The following MAP3K7CL variants were observed in gnomAD, a reference collection of about 807,000 sequenced individuals.
MAP3K7CL encodes the protein MAP3K7 C-terminal-like protein.
Under a neutral mutation model 18.6 loss-of-function variants are expected in MAP3K7CL, and 16 were observed. The observed-to-expected ratio is 0.86, with a 90% confidence interval of 0.58 to 1.31. MAP3K7CL has a LOEUF of 1.31. Among genes scored for constraint, MAP3K7CL ranks in the 50% most tolerant of loss-of-function variants. The pLI is 0.00. For missense variants in MAP3K7CL, 163 were observed against 174.4 expected, an observed-to-expected ratio of 0.93 and a Z score of 0.37; for synonymous variants, 65 against 66.8, an observed-to-expected ratio of 0.97 and a Z score of 0.13.
upstream of MAP3K7CL, among the ~76,000 whole-genome samples, chr21:29,085,407 T>C (rs2085906440): frequency 6.6e-6 from 1 of 152,124 alleles, no homozygotes; most frequent in African/African-American, 2.4e-5. Context: ...TCCCTGCACC[T>C]TATTTAAGTG....
intron 4 of MAP3K7CL, among the ~76,000 whole-genome samples, chr21:29,161,727 C>A (rs554209562): frequency 6.6e-6 from 1 of 151,840 alleles, no homozygotes; most frequent in East Asian, 2.0e-4. Flanking sequence ...TTAATTTTTA[C>A]AAAAAGCGAA....
At chr21:29,080,708 G>A (rs908495201) in intron 1 of MAP3K7CL, 1 of 152,010 alleles carries the variant, frequency 6.6e-6, no homozygotes, top group Non-Finnish European at 1.5e-5. Context: ...TAGCCCCCAA[G>A]GTGAGTCATT....
intron 4 of MAP3K7CL, among the ~76,000 whole-genome samples, chr21:29,095,114 G>C (rs953386984): frequency 1.4e-5 from 2 of 147,382 alleles, no homozygotes; most frequent in Non-Finnish European, 3.0e-5. Context: ...GGGAGGGGAG[G>C]GGAAGGGAAG....
chr21:29,133,467 C>A, intron 2 of MAP3K7CL, 53 bp downstream of exon 2: 1 of 1,367,612 alleles, frequency 7.3e-7, no homozygotes, highest in South Asian at 1.4e-5. Flanking sequence ...ACCTTTCTAG[C>A]ATCTTTTCTA....
chr21:29,113,827 G>A (rs1302396036), intron 4 of MAP3K7CL, among the ~76,000 whole-genome samples: 2 of 152,024 alleles, frequency 1.3e-5, no homozygotes, highest in African/African-American at 4.8e-5. Context: ...CACCACGCCC[G>A]GCCATATAAT....
At chr21:29,151,393 G>T (rs1018719201) in intron 3 of MAP3K7CL, among the ~76,000 whole-genome samples, 5 of 151,964 alleles carry the variant, frequency 3.3e-5, no homozygotes, top group African/African-American at 1.2e-4. Context: ...GGAGGCGGAG[G>T]TTGCAGTGAG....
At chr21:29,092,267 G>A (rs2086041415) in intron 3 of MAP3K7CL, 2 of 676,054 alleles carry the variant, frequency 3.0e-6, no homozygotes, top group Admixed American at 5.7e-5. Flanking sequence ...CAAGCCCAGT[G>A]CTCTTTCCCC....
At chr21:29,171,013 A>G (rs1167934328) in intron 4 of MAP3K7CL, among the ~76,000 whole-genome samples, 1 of 151,136 alleles carries the variant, frequency 6.6e-6, no homozygotes, top group Non-Finnish European at 1.5e-5. Context: ...GAATTTTACT[A>G]ATTAATATTT....
At chr21:29,104,852 A>C (rs1304246537) in intron 4 of MAP3K7CL, among the ~76,000 whole-genome samples, 1 of 152,162 alleles carries the variant, frequency 6.6e-6, no homozygotes, top group Admixed American at 6.5e-5. Context: ...TCCTTCCTGC[A>C]GTCTTTTCAT....
At position 29,092,575 on chromosome 21, in the gene MAP3K7CL, C is replaced by A. The variant is rs778813607; in HGVS notation, c.364C>A (p.Pro122Thr). The A allele has an allele frequency of 3.1e-6, 5 of 1,614,004 alleles. No homozygotes were observed. The South Asian group carries it at 3.3e-5, about 11-fold the overall frequency. ...TGTGCCCGTGGAAATCCCCAGCTCCCCTCTGGGTGAGTATTCCGTCCACTT... is the reference window on the plus strand; with the variant it reads ...TGTGCCCGTGGAAATCCCCAGCTCCACTCTGGGTGAGTATTCCGTCCACTT... Residue 122 changes from proline to threonine, a missense_variant, in exon 4 of 7, where the codon CCT becomes ACT. Physicochemically the swap from Pro to Thr is conservative, Grantham distance 38 (BLOSUM62 -1). Coordinates refer to the MAP3K7CL transcript ENST00000286791.
At chr21:29,128,142 A>G (rs1417983357), upstream of MAP3K7CL, 1 of 152,226 alleles carries the variant, frequency 6.6e-6, no homozygotes, top group Non-Finnish European at 1.5e-5. Context: ...ATTGGCACAC[A>G]TAAGATGCAA....
At chr21:29,139,456 TCAGGATCCGAAGTAATC>T (rs906846416) in intron 2 of MAP3K7CL, 2 of 152,236 alleles carry the variant, frequency 1.3e-5, no homozygotes, top group Non-Finnish European at 2.9e-5. Flanking sequence ...CTTGTCCTCC[TCAGGATCCGAAGTAATC>T]TTCGGATCTA....
chr21:29,138,971 G>T (rs2086943664), intron 2 of MAP3K7CL, among the ~76,000 whole-genome samples: 3 of 152,242 alleles, frequency 2.0e-5, no homozygotes, highest in Admixed American at 6.5e-5. Context: ...TCTCAAAAAA[G>T]AAATTCTTTC....
intron 1 of MAP3K7CL, chr21:29,086,065 GGGA>G: frequency 1.2e-6 from 1 of 853,020 alleles, no homozygotes; most frequent in South Asian, 1.6e-5. Flanking sequence ...GGCAATCTGT[GGGA>G]GGTCGGCAGA....
At chr21:29,129,968 T>C (rs928458071), upstream of MAP3K7CL, among the ~76,000 whole-genome samples, 3 of 152,250 alleles carry the variant, frequency 2.0e-5, no homozygotes, top group Non-Finnish European at 4.4e-5. Context: ...GTGAGATATC[T>C]TTCAGATCTT....
chr21:29,151,325 C>A (rs1001030356), intron 3 of MAP3K7CL, among the ~76,000 whole-genome samples: 5 of 151,754 alleles, frequency 3.3e-5, no homozygotes, highest in Non-Finnish European at 7.4e-5. Context: ...GGTGTGGTGG[C>A]ACACACCTAT....
In MAP3K7CL at chr21:29,174,642, A is replaced by G. The variant is rs2087922060; in HGVS notation, c.249-70A>G. 92 of 1,538,930 alleles carry G rather than the reference A, an allele frequency of 6.0e-5. No individual in the cohort carries two copies. In the South Asian group the frequency reaches 7.0e-4, roughly 12 times the overall value. Reference sequence around the variant, plus strand: ...TGAATCATTCTACTTCCATCATGCTATTACTGAATAATTTAATTTGCTTGC... The same window carrying G: ...TGAATCATTCTACTTCCATCATGCTGTTACTGAATAATTTAATTTGCTTGC... On this transcript the variant is annotated intron_variant, in intron 4 of 4. Transcript: ENST00000399928.
chr21:29,086,361 C>T (rs745482087), intron 1 of MAP3K7CL, among the ~76,000 whole-genome samples: 61 of 152,058 alleles, frequency 4.0e-4, no homozygotes, highest in South Asian at 8.3e-4. Context: ...ATGAACTTCT[C>T]GAGGTTCATG....
chr21:29,141,445 A>C (rs2087005303), intron 2 of MAP3K7CL, among the ~76,000 whole-genome samples: 2 of 151,834 alleles, frequency 1.3e-5, no homozygotes, highest in South Asian at 4.2e-4. Context: ...CCTGGGAGGC[A>C]GAGGTTGCAG....
Sources: gnomAD v4.1 joint callset for allele counts (sites outside exome capture counted in the v4.1 genomes callset) on GRCh38, gnomAD v4.1.1 for gene constraint, MANE v1.5 for transcripts, NCBI Gene and HGNC (gene_info 2026-07-23, HGNC 2026-07-21) for gene names.